Variants in TRRAP observed in about 807,000 individuals in gnomAD.
TRRAP encodes the protein transformation/transcription domain-associated protein.
A neutral mutation model predicts 438.8 loss-of-function variants in TRRAP; 41 were observed. That is an observed-to-expected ratio of 0.09 (90% CI 0.07 to 0.12). The LOEUF (loss-of-function observed/expected upper bound fraction) is 0.12, where lower values mean the gene tolerates loss of function less well. TRRAP is among the 10% of genes least tolerant of loss of function. The probability of loss-of-function intolerance (pLI) is 1.00; values close to 1 mark genes in which losing one functional copy is unlikely to be tolerated. For missense variants in TRRAP, 3,122 were observed against 5,055.1 expected (o/e 0.62, Z 11.60); for synonymous variants, 1,994 against 1,962.9 (o/e 1.02, Z -0.42).
rs1159627723 is a variant in TRRAP, at chr7:98,983,321, C to G, written c.8884C>G (p.Pro2962Ala). The G allele has an allele frequency of 6.2e-7, 1 of 1,614,048 alleles. No homozygotes were observed. The highest frequency in any genetic ancestry group is 8.5e-7 in the Non-Finnish European group (1 of 1,180,036). The change falls in exon 60 of 73, where the codon CCA (proline) becomes GCA (alanine). Residue 2962 changes from proline (P) to alanine (A), a missense_variant. Pro to Ala is a conservative substitution (Grantham distance 27). This residue lies in a region of TRRAP where 129 missense variants were observed against 279.2 expected (regional missense o/e 0.46). Coordinates refer to ENST00000456197, the MANE Select transcript of TRRAP (RefSeq NM_001375524.1). Reference sequence around the variant, plus strand: ...TGCACAAATCAACGCAGGCTTACAGCCAACCAACCTGGGAAGGAACAACAG... The same window carrying G: ...TGCACAAATCAACGCAGGCTTACAGGCAACCAACCTGGGAAGGAACAACAG... ...EAAQINAGLQPTNLGRNNSLH... is the reference protein window; with the variant it reads ...EAAQINAGLQATNLGRNNSLH...
At chr7:98,947,605 G>A (rs1157401117) in intron 33 of TRRAP, among the ~76,000 whole-genome samples, 2 of 152,032 alleles carry the variant, frequency 1.3e-5, no homozygotes, top group Non-Finnish European at 2.9e-5. Flanking sequence ...ACAGGCGCCC[G>A]CCACCACGCT....
At chr7:99,007,984 C>T (rs1036774963) in intron 69 of TRRAP, among the ~76,000 whole-genome samples, 2 of 152,076 alleles carry the variant, frequency 1.3e-5, no homozygotes, top group African/African-American at 4.8e-5. Flanking sequence ...TGCCACCACT[C>T]CCGGCTAATT....
chr7:98,959,388 C>G lies in TRRAP; in HGVS notation c.6387C>G (p.Leu2129=). The change falls in exon 45 of 73, where the codon CTC becomes CTG. Residue 2129 remains leucine (L), a synonymous_variant. Transcript: ENST00000456197. The stretch of plus-strand genomic sequence containing the variant: ...CAGCGGGGTCCCCTGGGGAGGTGCT[C>G]TCTCGCCGGTGTGTGAACCTTCTGA... ...TNTAGSPGEV[L]SRRCVNLLKT... is the part of the protein sequence containing the mutation. 6.2e-7 allele frequency: 1 copy of G among 1,614,144 alleles called. No individual in the cohort carries two copies. Among genetic ancestry groups the G allele is most frequent in the East Asian group, 2.2e-5 (1 of 44,876 alleles).
intron 4 of TRRAP, 102 bp from the exon 5 acceptor site, chr7:98,892,322 C>G: frequency 1.1e-6 from 1 of 944,348 alleles, no homozygotes; most frequent in Non-Finnish European, 1.6e-6. Flanking sequence ...ATTCCTAGTG[C>G]TGGGTGTAAA....
At chr7:98,893,958 A>G in intron 6 of TRRAP, 77 bp downstream of exon 6, 1 of 1,393,602 alleles carries the variant, frequency 7.2e-7, no homozygotes, top group South Asian at 1.2e-5. Flanking sequence ...TGCTGTCTCA[A>G]AGTTGGCTGA....
At chr7:98,902,634 C>CA (rs1376743273) in intron 11 of TRRAP, among the ~76,000 whole-genome samples, 2 of 152,134 alleles carry the variant, frequency 1.3e-5, no homozygotes, top group African/African-American at 4.8e-5. Context: ...TACCCCTTGA[C>CA]ATTTTAGTCA....
chr7:98,917,303 G>A (rs1554409671), intron 19 of TRRAP, 120 bp from the exon 20 acceptor site: 6 of 1,376,964 alleles, frequency 4.4e-6, no homozygotes, highest in African/African-American at 2.9e-5. Flanking sequence ...GGGCACAGAG[G>A]TCTCCCTGCA....
chr7:98,952,688 T>C (rs1791393472), intron 39 of TRRAP, among the ~76,000 whole-genome samples: 1 of 152,018 alleles, frequency 6.6e-6, no homozygotes, highest in African/African-American at 2.4e-5. Context: ...AAGAGTGGGC[T>C]GAAGGGGAAC....
chr7:98,888,109 A>G (rs1300997459), intron 3 of TRRAP, among the ~76,000 whole-genome samples: 9 of 152,158 alleles, frequency 5.9e-5, no homozygotes, highest in Non-Finnish European at 1.0e-4. Context: ...GGGCGCCTGT[A>G]GTCCCAGCTA....
chr7:98,886,437 T>TGG (rs1795711512), intron 3 of TRRAP, among the ~76,000 whole-genome samples: 3 of 150,508 alleles, frequency 2.0e-5, no homozygotes, highest in African/African-American at 7.5e-5. Context: ...TAGAGAGATA[T>TGG]AGATATCTAG....
In TRRAP at chr7:99,011,098, G is replaced by A. The variant is rs776096566; in HGVS notation, c.10985G>A (p.Arg3662His). 43 of 1,614,002 alleles carry A rather than the reference G, an allele frequency of 2.7e-5. No homozygotes were observed. The highest frequency in any genetic ancestry group is 3.2e-5 in the Non-Finnish European group (38 of 1,180,042). ...LKEVQSNMVPRSMLKEWALHT... is the reference protein window; with the variant it reads ...LKEVQSNMVPHSMLKEWALHT... The stretch of plus-strand genomic sequence containing the variant: ...GAGGTTCAGAGTAACATGGTGCCGC[G>A]CAGCATGCTCAAGGAGTGGGCGCTG... Residue 3662 changes from arginine (R) to histidine (H), a missense_variant, in exon 71 of 73, where the codon CGC (arginine) becomes CAC (histidine). Arg to His is a conservative substitution (Grantham distance 29, BLOSUM62 0). Coordinates refer to ENST00000456197, the MANE Select transcript of TRRAP (RefSeq NM_001375524.1). The surrounding 1 kb of genome is among the most constrained non-coding windows in gnomAD (Gnocchi z 7.1).
intron 44 of TRRAP, 41 bp downstream of exon 44, chr7:98,958,132 C>G: frequency 6.4e-7 from 1 of 1,559,912 alleles, no homozygotes; most frequent in Non-Finnish European, 8.8e-7. Context: ...TTCTGCAGAC[C>G]AGAGGCTACT....
chr7:98,914,343 C>T (rs1554409260), intron 18 of TRRAP, among the ~76,000 whole-genome samples: 1 of 152,084 alleles, frequency 6.6e-6, no homozygotes, highest in African/African-American at 2.4e-5. Flanking sequence ...GTTGAGGCTG[C>T]AGTGCACTTC....
rs782667757 is a variant in TRRAP at position 98,950,081 on chromosome 7, T to A, written c.5153T>A (p.Ile1718Lys). The part of the protein sequence containing the change: ...LNYCKRNYGD[I>K]ELLFQLLRAF... Reference sequence around the variant, plus strand: ...CCCTCCAGAAGGAATTACGGAGATATAGAATTGCTGTTCCAGCTGCTCCGA... The same window carrying A: ...CCCTCCAGAAGGAATTACGGAGATAAAGAATTGCTGTTCCAGCTGCTCCGA... The change falls in exon 38 of 73, where the codon ATA (isoleucine) becomes AAA (lysine). Residue 1718 changes from isoleucine (I) to lysine (K), a missense_variant. By Grantham distance (102) the Ile-to-Lys change is moderately radical. Coordinates refer to ENST00000456197, the MANE Select transcript of TRRAP (RefSeq NM_001375524.1). 1 of 1,614,250 alleles carries A rather than the reference T, an allele frequency of 6.2e-7. No homozygotes were observed. Among genetic ancestry groups the A allele is most frequent in the Non-Finnish European group, 8.5e-7 (1 of 1,180,046 alleles).
At chr7:98,924,203 A>C (rs1488699790) in intron 21 of TRRAP, among the ~76,000 whole-genome samples, 1 of 152,336 alleles carries the variant, frequency 6.6e-6, no homozygotes, top group Admixed American at 6.5e-5. Flanking sequence ...TAGTTCCTGT[A>C]ATCTGCCATT....
At chr7:98,915,669 G>GTA in intron 18 of TRRAP, 54 bp from the exon 19 acceptor site, 1 of 1,586,662 alleles carries the variant, frequency 6.3e-7, no homozygotes, top group South Asian at 1.2e-5. Flanking sequence ...AGTCTGGAGG[G>GTA]TATAGACCCT....
intron 27 of TRRAP, 58 bp from the exon 28 acceptor site, chr7:98,935,521 A>G: frequency 6.8e-7 from 1 of 1,475,684 alleles, no homozygotes; most frequent in South Asian, 1.2e-5. Context: ...GTTATTTGCA[A>G]GGTTATTATG....
At position 98,994,454 on chromosome 7, in the gene TRRAP, C is replaced by T. The variant is rs573634254; in HGVS notation, c.10048-133C>T. 1.4e-4 allele frequency: 178 copies of T among 1,297,246 alleles called. 3 individuals are homozygous for T. The South Asian group carries it at 2.4e-3, about 18-fold the overall frequency. 80.4% of individuals were successfully genotyped at this position (1,297,246 alleles called of 1,614,324 possible). On this transcript the variant is annotated intron_variant, in intron 66 of 72. Coordinates refer to ENST00000456197, the MANE Select transcript of TRRAP (RefSeq NM_001375524.1). This position sits in a 1 kb window ranked among gnomAD's most constrained non-coding sequence, Gnocchi z 4.8. ...CTTGCACACGCCGATTTCATGCCTG[C>T]TGTGTGTGGGTCCTGCCGGGGAGTG...
intron 65 of TRRAP, among the ~76,000 whole-genome samples, chr7:98,992,560 C>CGTGTGTGTGTGTGTGTGTGTGT (rs72517544): frequency 6.3e-4 from 94 of 149,218 alleles, no homozygotes; most frequent in African/African-American, 2.0e-3. Flanking sequence ...TGCCAGCTGC[C>CGTGTGTGTGTGTGTGTGTGTGT]GTGTGTGTGT....
Sources: gnomAD v4.1 joint callset for allele counts (sites outside exome capture counted in the v4.1 genomes callset) on GRCh38, gnomAD v4.1.1 for gene constraint, gnomAD v4.1.1 regional missense constraint, Gnocchi (gnomAD v3.1) non-coding constraint, MANE v1.5 for transcripts, NCBI Gene and HGNC (gene_info 2026-07-23, HGNC 2026-07-21) for gene names.